ZDHHC21: variants seen among roughly 807,000 people sequenced by gnomAD.
ZDHHC21 encodes palmitoyltransferase ZDHHC21.
Under a neutral mutation model 34.6 loss-of-function variants are expected in ZDHHC21, and 15 were observed. That is an observed-to-expected ratio of 0.43 (90% CI 0.29 to 0.67). ZDHHC21 has a LOEUF of 0.67. Among genes scored for constraint, ZDHHC21 ranks in the 30% least tolerant of loss-of-function variants. The probability of loss-of-function intolerance (pLI) is 0.14; values close to 1 mark genes in which losing one functional copy is unlikely to be tolerated. For synonymous variants in ZDHHC21, 142 were observed against 101.8 expected (o/e 1.40, Z -2.38); for missense variants, 344 against 327.7 (o/e 1.05, Z -0.38).
the ZDHHC21 span, among the ~76,000 whole-genome samples, chr9:14,605,281 A>G: frequency 1.3e-5 from 2 of 151,184 alleles, no homozygotes; most frequent in African/African-American, 2.4e-5. Flanking sequence ...GAACTTCCAT[A>G]CTGTTTTTCA....
At chr9:14,688,454 G>A (rs1838680709) in intron 2 of ZDHHC21, among the ~76,000 whole-genome samples, 1 of 150,846 alleles carries the variant, frequency 6.6e-6, no homozygotes, top group South Asian at 2.1e-4. Context: ...CCCAGGGCCT[G>A]CTCTTGCCTG....
rs75671899 is a variant in ZDHHC21 at position 14,629,029 on chromosome 9, T to C, written c.622-9347A>G. On this transcript the variant is annotated intron_variant, in intron 8 of 9. Coordinates refer to ENST00000380916, the MANE Select transcript of ZDHHC21 (RefSeq NM_178566.6). The stretch of plus-strand genomic sequence containing the variant: ...CCAGCTAAAGAGATTTAAAAATTCA[T>C]TGTAATTCTAAAAAGTACTCGTATT... Among the ~76,000 whole-genome samples the C allele has an allele frequency of 3.7e-3, 569 of 152,312 alleles. 3 individuals are homozygous for C. The highest frequency in any genetic ancestry group is 0.013 in the African/African-American group (544 of 41,580).
chr9:14,622,955 T>C (rs1825560556), intron 8 of ZDHHC21, among the ~76,000 whole-genome samples: 1 of 152,068 alleles, frequency 6.6e-6, no homozygotes, highest in South Asian at 2.1e-4. Flanking sequence ...CTGCTACACG[T>C]AGTTACCTAA....
At chr9:14,627,172 G>C (rs1826419454) in intron 8 of ZDHHC21, among the ~76,000 whole-genome samples, 1 of 152,142 alleles carries the variant, frequency 6.6e-6, no homozygotes, top group African/African-American at 2.4e-5. Context: ...TCTGTGTATA[G>C]ATTAAAAGGC....
At chr9:14,690,499 C>G (rs1839006766) in intron 1 of ZDHHC21, 114 bp from the exon 2 acceptor site, 1 of 377,344 alleles carries the variant, frequency 2.7e-6, no homozygotes, top group Non-Finnish European at 5.1e-6. Context: ...ATCAATTTTA[C>G]CCAACCTGCC....
intron 2 of ZDHHC21, among the ~76,000 whole-genome samples, chr9:14,682,321 G>A (rs1257952773): frequency 6.6e-6 from 1 of 152,076 alleles, no homozygotes; most frequent in Non-Finnish European, 1.5e-5. Context: ...ACACACATAG[G>A]CTCAAAATAA....
At chr9:14,682,409 T>C (rs745541413) in intron 2 of ZDHHC21, among the ~76,000 whole-genome samples, 8 of 152,142 alleles carry the variant, frequency 5.3e-5, no homozygotes, top group Non-Finnish European at 1.0e-4. Context: ...TGATGAAACA[T>C]ACTTTAAACC....
chr9:14,646,066 A>C (rs1450851056), intron 7 of ZDHHC21, among the ~76,000 whole-genome samples: 2 of 152,184 alleles, frequency 1.3e-5, no homozygotes, highest in African/African-American at 4.8e-5. Flanking sequence ...TAAGTGAAAC[A>C]CATGCACATG....
rs1229113270 is a variant in ZDHHC21 at position 14,615,820 on chromosome 9, T to C, written c.*3146A>G. ...AGGTCGACAAATGACTTTACTGATG[T>C]AAAAACATGCTTTAACATACATTTT... On this transcript the variant is annotated 3_prime_UTR_variant, in exon 10 of 10. Transcript: ENST00000380916. 1 of 151,708 alleles carries C rather than the reference T, an allele frequency of 6.6e-6. No individual in the cohort carries two copies. 9.4% of individuals were successfully genotyped at this position (151,708 alleles called of 1,614,324 possible).
intron 4 of ZDHHC21, 59 bp downstream of exon 4, chr9:14,674,128 C>T: frequency 7.9e-7 from 1 of 1,268,704 alleles, no homozygotes. Context: ...CACTACACCC[C>T]AAAAACGTTT....
At position 14,612,760 on chromosome 9, in the gene ZDHHC21, A is replaced by G. The variant is rs959758153; in HGVS notation, c.*6206T>C. On this transcript the variant is annotated 3_prime_UTR_variant, in exon 10 of 10. Transcript: ENST00000380916. The stretch of plus-strand genomic sequence containing the variant: ...TATATCTACACACACATATGTACAC[A>G]TACATATATTTTAAAGGTGTTCTGT... 6.6e-6 allele frequency: 1 copy of G among 151,428 alleles called. No individual in the cohort carries two copies. Among genetic ancestry groups the G allele is most frequent in the Non-Finnish European group, 1.5e-5 (1 of 67,788 alleles). 9.4% of individuals were successfully genotyped at this position (151,428 alleles called of 1,614,324 possible).
At chr9:14,602,367 C>T in the ZDHHC21 span, among the ~76,000 whole-genome samples, 1 of 152,018 alleles carries the variant, frequency 6.6e-6, no homozygotes, top group African/African-American at 2.4e-5. Context: ...GTATTCGCAT[C>T]TTGGGAGTTC....
intron 2 of ZDHHC21, among the ~76,000 whole-genome samples, chr9:14,680,955 T>C (rs1837271290): frequency 6.6e-6 from 1 of 152,066 alleles, no homozygotes; most frequent in Non-Finnish European, 1.5e-5. Context: ...CCCTGTGAGG[T>C]AGCTAGATGA....
At chr9:14,659,697 A>G (rs1832995067) in intron 6 of ZDHHC21, among the ~76,000 whole-genome samples, 1 of 152,216 alleles carries the variant, frequency 6.6e-6, no homozygotes, top group African/African-American at 2.4e-5. Flanking sequence ...TTTCGGTCCT[A>G]ACTTAAATCG....
At position 14,690,395 on chromosome 9, in the gene ZDHHC21, CA is replaced by C. The variant is rs1838991853; in HGVS notation, c.-224-11del. 2.2e-6 allele frequency: 1 copy of C among 454,714 alleles called. No individual in the cohort carries two copies. The highest frequency in any genetic ancestry group is 4.4e-6 in the Non-Finnish European group (1 of 226,450). The allele number at this position is 454,714 out of a possible 1,614,324, so 28.2% of individuals were successfully genotyped here. Reference sequence around the variant, plus strand: ...GAAAAAGTTCTTCATTCTGTAATTACAGATAAAAAGCTTAAAATCAGAAGCT... The same window carrying C: ...GAAAAAGTTCTTCATTCTGTAATTACGATAAAAAGCTTAAAATCAGAAGCT... On this transcript the variant is annotated splice_polypyrimidine_tract_variant and intron_variant, in intron 1 of 9. Coordinates refer to ENST00000380916, the MANE Select transcript of ZDHHC21 (RefSeq NM_178566.6).
intron 6 of ZDHHC21, 126 bp downstream of exon 6, chr9:14,662,089 T>C (rs1215210810): frequency 1.5e-5 from 8 of 548,382 alleles, no homozygotes. Flanking sequence ...TAAATAAAGA[T>C]ATCCTTATTA....
intron 7 of ZDHHC21, among the ~76,000 whole-genome samples, chr9:14,646,492 A>G (rs1442815464): frequency 4.6e-5 from 7 of 150,986 alleles, no homozygotes; most frequent in Non-Finnish European, 8.9e-5. Context: ...AAATTTGTCA[A>G]ATAAGACACA....
At chr9:14,631,727 T>C (rs771137891) in intron 8 of ZDHHC21, among the ~76,000 whole-genome samples, 4 of 152,102 alleles carry the variant, frequency 2.6e-5, no homozygotes, top group Admixed American at 6.6e-5. Context: ...TTCAACATTA[T>C]TGTATCTTAG....
intron 6 of ZDHHC21, among the ~76,000 whole-genome samples, chr9:14,661,924 T>G (rs555598109): frequency 6.6e-6 from 1 of 152,278 alleles, no homozygotes; most frequent in Non-Finnish European, 1.5e-5. Context: ...TAGTAAATGT[T>G]TTATATACAT....
Sources: gnomAD v4.1 joint callset for allele counts (sites outside exome capture counted in the v4.1 genomes callset) on GRCh38, gnomAD v4.1.1 for gene constraint, MANE v1.5 for transcripts, NCBI Gene and HGNC (gene_info 2026-07-23, HGNC 2026-07-21) for gene names.